RNF185: variants seen among roughly 807,000 people sequenced by gnomAD.
RNF185 encodes E3 ubiquitin-protein ligase RNF185.
Under a neutral mutation model 24.9 loss-of-function variants are expected in RNF185, and 13 were observed. The observed-to-expected ratio is 0.52, with a 90% CI of 0.34 to 0.83. The LOEUF (loss-of-function observed/expected upper bound fraction) is 0.83. Ranked by LOEUF, RNF185 falls within the 40% of genes least tolerant of loss-of-function variation. The pLI is 0.01. For synonymous variants in RNF185, 79 were observed against 90.3 expected, an observed-to-expected ratio of 0.88 and a Z score of 0.71; for missense variants, 184 against 244.7, an observed-to-expected ratio of 0.75 and a Z score of 1.65.
At chr22:31,180,382 T>G (rs747839227) in intron 1 of RNF185, among the ~76,000 whole-genome samples, 2 of 151,790 alleles carry the variant, frequency 1.3e-5, no homozygotes, top group Non-Finnish European at 2.9e-5. Context: ...GGAGAATTGC[T>G]TGAACCCGGG....
intron 1 of RNF185, among the ~76,000 whole-genome samples, chr22:31,162,352 G>T (rs1441982639): frequency 6.6e-6 from 1 of 152,074 alleles, no homozygotes; most frequent in Admixed American, 6.6e-5. Context: ...AGAACTTCTC[G>T]ATCTAAAAGT....
chr22:31,201,809 C>A (rs1462810329), intron 6 of RNF185, among the ~76,000 whole-genome samples, 194 bp downstream of exon 6: 1 of 152,150 alleles, frequency 6.6e-6, no homozygotes, highest in Non-Finnish European at 1.5e-5. Flanking sequence ...AACTATTAGG[C>A]ATGCATATAT....
At chr22:31,199,374 AG>A (rs535943295) in intron 5 of RNF185, among the ~76,000 whole-genome samples, 24 of 152,302 alleles carry the variant, frequency 1.6e-4, no homozygotes, top group African/African-American at 5.5e-4. Flanking sequence ...CTTGACCACC[AG>A]GTGACACCAC....
intron 1 of RNF185, among the ~76,000 whole-genome samples, chr22:31,168,930 C>T (rs960518409): frequency 3.3e-5 from 5 of 151,992 alleles, no homozygotes; most frequent in African/African-American, 4.8e-5. Flanking sequence ...TTTTTTGAGA[C>T]AGAGTCTCTC....
intron 1 of RNF185, among the ~76,000 whole-genome samples, chr22:31,173,600 G>A (rs2047953615): frequency 6.6e-6 from 1 of 152,126 alleles, no homozygotes; most frequent in African/African-American, 2.4e-5. Context: ...CTCTGACTAG[G>A]TCTGTGACCA....
At chr22:31,178,799 C>T (rs1252774406) in intron 1 of RNF185, among the ~76,000 whole-genome samples, 1 of 152,254 alleles carries the variant, frequency 6.6e-6, no homozygotes, top group East Asian at 1.9e-4. Context: ...TTAATTTACT[C>T]TGTACTCATT....
At chr22:31,193,281 T>G (rs896387696) in intron 3 of RNF185, among the ~76,000 whole-genome samples, 3 of 152,186 alleles carry the variant, frequency 2.0e-5, no homozygotes, top group African/African-American at 7.2e-5. Flanking sequence ...TCCAGACTGC[T>G]AAAGCTTCAG....
At chr22:31,182,109 C>CTT (rs747537462) in intron 1 of RNF185, among the ~76,000 whole-genome samples, 118 of 122,766 alleles carry the variant, frequency 9.6e-4, no homozygotes, top group Middle Eastern at 4.5e-3. Flanking sequence ...ACAGTAATTC[C>CTT]TTTTTTTTTT....
intron 1 of RNF185, among the ~76,000 whole-genome samples, chr22:31,174,836 G>A (rs2047965276): frequency 6.6e-6 from 1 of 151,836 alleles, no homozygotes; most frequent in African/African-American, 2.4e-5. Context: ...TTGGGAGGCC[G>A]AGGTGGGCGG....
intron 1 of RNF185, among the ~76,000 whole-genome samples, chr22:31,164,496 T>C (rs1302669282): frequency 2.0e-5 from 3 of 152,170 alleles, no homozygotes; most frequent in East Asian, 1.9e-4. Flanking sequence ...CCTTTTTCTG[T>C]TCCAGGACCC....
At chr22:31,189,280 CTTTTTTTTTTT>C (rs1050842065) in intron 2 of RNF185, among the ~76,000 whole-genome samples, 1 of 61,518 alleles carries the variant, frequency 1.6e-5, no homozygotes, top group Non-Finnish European at 2.8e-5. Context: ...TGTTGTATAT[CTTTTTTTTTTT>C]TTTTTTTTTT....
intron 5 of RNF185, among the ~76,000 whole-genome samples, chr22:31,198,096 T>C (rs1208059756): frequency 1.3e-5 from 2 of 152,228 alleles, no homozygotes; most frequent in Non-Finnish European, 2.9e-5. Flanking sequence ...TATTCTCATA[T>C]CCTCATGTTC....
intron 4 of RNF185, among the ~76,000 whole-genome samples, chr22:31,195,934 CTT>C (rs1477089139): frequency 6.6e-6 from 1 of 152,104 alleles, no homozygotes; most frequent in Non-Finnish European, 1.5e-5. Flanking sequence ...ATCTGGGTGA[CTT>C]TGTGGAGTTT....
At chr22:31,177,183 C>G (rs556392969) in intron 1 of RNF185, among the ~76,000 whole-genome samples, 24 of 152,170 alleles carry the variant, frequency 1.6e-4, no homozygotes, top group African/African-American at 5.5e-4. Context: ...CTGTCAGTTC[C>G]CAGTACACTG....
chr22:31,176,513 G>A lies in RNF185; in HGVS notation c.-48-10534G>A, dbSNP rs555568898. 3.1e-3 allele frequency among the ~76,000 whole-genome samples: 452 copies of A among 144,082 alleles called. 3 individuals carry two copies. Among genetic ancestry groups the A allele is most frequent in the African/African-American group, 0.011 (419 of 38,708 alleles). The allele number at this position is 144,082 out of a possible 152,430, so 94.5% of individuals were successfully genotyped here. A position where few individuals can be genotyped will look rare whatever the true frequency, so the allele number is the denominator to read the frequency against. The stretch of plus-strand genomic sequence containing the variant: ...TTTCTTTTTTTTTTTTTTTTAGACA[G>A]AGTCTTGCTCTGTCACCCAGGCTGG... On this transcript the variant is annotated intron_variant, in intron 1 of 6. Coordinates refer to ENST00000326132, the MANE Select transcript of RNF185 (RefSeq NM_152267.4).
intron 1 of RNF185, among the ~76,000 whole-genome samples, chr22:31,182,492 G>A (rs2048049305): frequency 6.6e-6 from 1 of 151,962 alleles, no homozygotes; most frequent in African/African-American, 2.4e-5. Context: ...TAGAGATAGG[G>A]TTTCACCATG....
intron 2 of RNF185, among the ~76,000 whole-genome samples, chr22:31,189,135 A>ATATGTGTGTGTGTGTGTGTGTGTGTG (rs368967009): frequency 9.5e-5 from 13 of 136,872 alleles, no homozygotes; most frequent in Admixed American, 4.5e-4. Flanking sequence ...CAAAAAAAAA[A>ATATGTGTGTGTGTGTGTGTGTGTGTG]TGTGTGTGTG....
intron 4 of RNF185, among the ~76,000 whole-genome samples, chr22:31,196,726 G>A (rs779272710): frequency 7.2e-5 from 11 of 152,182 alleles, no homozygotes; most frequent in Non-Finnish European, 1.2e-4. Context: ...ATAACGAGTT[G>A]ATTTTCTCCC....
At chr22:31,185,798 T>C (rs2048093047) in intron 1 of RNF185, among the ~76,000 whole-genome samples, 1 of 152,202 alleles carries the variant, frequency 6.6e-6, no homozygotes, top group Non-Finnish European at 1.5e-5. Flanking sequence ...CTCTTTCTTG[T>C]TCAACTCCTG....
Sources: gnomAD v4.1 joint callset for allele counts (sites outside exome capture counted in the v4.1 genomes callset) on GRCh38, gnomAD v4.1.1 for gene constraint, MANE v1.5 for transcripts, NCBI Gene and HGNC (gene_info 2026-07-23, HGNC 2026-07-21) for gene names.